The following GLIS2 variants were observed in gnomAD, a reference collection of about 807,000 sequenced individuals.
GLIS2 encodes the protein zinc finger protein GLIS2.
In GLIS2, 14 loss-of-function variants were observed where a neutral mutation model predicts 35.6. The observed-to-expected ratio is 0.39, with a 90% CI of 0.26 to 0.61. The LOEUF (loss-of-function observed/expected upper bound fraction) is 0.61, where lower values mean the gene tolerates loss of function less well. Among genes scored for constraint, GLIS2 ranks in the 20% least tolerant of loss-of-function variants. The probability of loss-of-function intolerance (pLI) is 0.48; values close to 1 mark genes in which losing one functional copy is unlikely to be tolerated. For missense variants in GLIS2, 675 were observed against 713.4 expected (o/e 0.95, Z 0.61); for synonymous variants, 368 against 325.1 (o/e 1.13, Z -1.42).
At chr16:4,324,780 A>T (rs1225691818) in intron 1 of GLIS2, 2 of 152,298 alleles carry the variant, frequency 1.3e-5, no homozygotes, top group African/African-American at 2.4e-5. Flanking sequence ...TTCTCCCTGA[A>T]ACCCAACATG....
rs772127631 is a variant in GLIS2 at position 4,319,150 on chromosome 16, C to T, written c.-67+2896C>T. 1.3e-4 allele frequency among the ~76,000 whole-genome samples: 20 copies of T among 152,168 alleles called. 1 individual carries two copies. The highest frequency in any genetic ancestry group is 6.8e-3 in the Middle Eastern group (2 of 294). ...GGCCCTGTGCTGGGTGGAATTGGGGCGGGGGTGGCTGCAGAGAAAAGTGTC... is the reference window on the plus strand; with the variant it reads ...GGCCCTGTGCTGGGTGGAATTGGGGTGGGGGTGGCTGCAGAGAAAAGTGTC... On this transcript the variant is annotated intron_variant, in intron 1 of 6. Transcript: ENST00000433375.
At chr16:4,315,857 C>A (rs943573705), upstream of GLIS2, among the ~76,000 whole-genome samples, 54 of 150,032 alleles carry the variant, frequency 3.6e-4, no homozygotes, top group African/African-American at 1.2e-3. Flanking sequence ...GCAGCTGGCG[C>A]CCCGGGCCTG....
chr16:4,337,345 G>C lies in GLIS2; in HGVS notation c.1396G>C (p.Glu466Gln). Residue 466 changes from glutamate (E) to glutamine (Q), a missense_variant, in exon 7 of 7, where the codon GAA becomes CAA. Transcript: ENST00000433375. ...LGMEGHKTPL[E>Q]RTESSCSRPS... ...CATGGAGGGCCACAAGACGCCCCTT[G>C]AAAGGACGGAGAGCAGCTGCTCCCG... 6.3e-7 allele frequency: 1 copy of C among 1,589,866 alleles called. No individual in the cohort carries two copies. The highest frequency in any genetic ancestry group is 8.5e-7 in the Non-Finnish European group (1 of 1,169,900).
At chr16:4,321,189 TG>T (rs915160850) in intron 1 of GLIS2, among the ~76,000 whole-genome samples, 5 of 151,946 alleles carry the variant, frequency 3.3e-5, no homozygotes, top group Admixed American at 1.3e-4. Context: ...GAGATGGAGC[TG>T]GGGGGGATCT....
intron 1 of GLIS2, among the ~76,000 whole-genome samples, chr16:4,325,752 AC>A (rs35018018): frequency 0.27 from 41,121 of 150,030 alleles, 9,438 homozygotes; most frequent in African/African-American, 0.63. Flanking sequence ...ACACAGGGAG[AC>A]CCCCCCATCT....
rs2053343057 is a variant in GLIS2 at position 4,318,736 on chromosome 16, G to T, written c.-67+2482G>T. Among the ~76,000 whole-genome samples the T allele has an allele frequency of 2.0e-5, 3 of 152,348 alleles. No individual in the cohort carries two copies. In the East Asian group the frequency reaches 5.8e-4, roughly 29 times the overall value. ...GGCCTGGCCTTGGCCCCGGGCGGTG[G>T]GAGTGTCCTCTCACCACCTAATCCT... is the stretch of plus-strand genomic sequence containing the variant. On this transcript the variant is annotated intron_variant, in intron 1 of 6. Transcript: ENST00000433375.
chr16:4,322,389 T>C (rs530778676), intron 1 of GLIS2, among the ~76,000 whole-genome samples: 1 of 152,192 alleles, frequency 6.6e-6, no homozygotes, highest in South Asian at 2.1e-4. Flanking sequence ...CACTGGGCTT[T>C]GGGGTCTGCT....
chr16:4,315,606 C>T (rs1397381938), upstream of GLIS2, among the ~76,000 whole-genome samples: 3 of 151,462 alleles, frequency 2.0e-5, no homozygotes, highest in East Asian at 5.9e-4. Context: ...GGCTCCCCCG[C>T]CCCCCCAGGC....
intron 1 of GLIS2, among the ~76,000 whole-genome samples, chr16:4,329,648 G>A (rs2053476738): frequency 6.6e-6 from 1 of 152,164 alleles, no homozygotes. Flanking sequence ...CTGCCCTGTG[G>A]ACAGCATCTC....
chr16:4,337,184 C>G lies in GLIS2; in HGVS notation c.1235C>G (p.Ala412Gly). 1.3e-6 allele frequency: 2 copies of G among 1,544,508 alleles called. No individual in the cohort carries two copies. Among genetic ancestry groups the G allele is most frequent in the Non-Finnish European group, 1.7e-6 (2 of 1,146,942 alleles). ...GGCCCCGTCCTGCCTCTCAATCTGG[C>G]CAAGAACCCGCTGCTGCCCTCGCCC... is the stretch of plus-strand genomic sequence containing the variant. ...LPGPVLPLNLAKNPLLPSPFG... is the reference protein window; with the variant it reads ...LPGPVLPLNLGKNPLLPSPFG... The change falls in exon 7 of 7, where the codon GCC becomes GGC. Residue 412 changes from alanine to glycine, a missense_variant. Coordinates refer to ENST00000433375, the MANE Select transcript of GLIS2 (RefSeq NM_032575.3).
In GLIS2 at chr16:4,338,842, C is replaced by A. The variant is rs1298402348; in HGVS notation, c.*1318C>A. Reference sequence around the variant, plus strand: ...CCCAGGACGCCCTGAGGGATGGACGCAGCCATGCACCCCCCATCTGGGGCC... The same window carrying A: ...CCCAGGACGCCCTGAGGGATGGACGAAGCCATGCACCCCCCATCTGGGGCC... On this transcript the variant is annotated 3_prime_UTR_variant, in exon 7 of 7. Coordinates refer to ENST00000433375, the MANE Select transcript of GLIS2 (RefSeq NM_032575.3). 6.6e-6 allele frequency: 1 copy of A among 152,356 alleles called. No homozygotes were observed. The highest frequency in any genetic ancestry group is 1.5e-5 in the Non-Finnish European group (1 of 68,098). The allele number at this position is 152,356 out of a possible 1,614,324, so 9.4% of individuals were successfully genotyped here.
chr16:4,325,528 C>G (rs804179), intron 1 of GLIS2, among the ~76,000 whole-genome samples: 136,570 of 152,128 alleles, frequency 0.9, 61,491 homozygotes, highest in African/African-American at 0.93. Flanking sequence ...TAAGACCATA[C>G]TGCTGAAGTG....
rs546386797 is a variant in GLIS2 at position 4,325,862 on chromosome 16, C to T, written c.-66-6353C>T. Among the ~76,000 whole-genome samples the T allele has an allele frequency of 7.8e-4, 108 of 139,212 alleles. 1 individual carries two copies. Among genetic ancestry groups the T allele is most frequent in the African/African-American group, 2.7e-3 (101 of 36,780 alleles). 91.3% of individuals were successfully genotyped at this position (139,212 alleles called of 152,430 possible). On this transcript the variant is annotated intron_variant, in intron 1 of 6. Transcript: ENST00000433375. Reference sequence around the variant, plus strand: ...TGAGGCAGGAGGATCTCTTGAGCCTCGGCGGCAGTTAGCCATGACCACGCC... The same window carrying T: ...TGAGGCAGGAGGATCTCTTGAGCCTTGGCGGCAGTTAGCCATGACCACGCC...
intron 1 of GLIS2, among the ~76,000 whole-genome samples, 45 bp downstream of exon 1, chr16:4,316,299 C>CGGGGGGGG (rs1293109635): frequency 1.9e-5 from 1 of 52,974 alleles, no homozygotes; most frequent in African/African-American, 5.4e-5. Context: ...CGGGCCGGGG[C>CGGGGGGGG]GGGGGGGGGG....
chr16:4,321,293 G>A (rs74003284), intron 1 of GLIS2, among the ~76,000 whole-genome samples: 372 of 152,318 alleles, frequency 2.4e-3, no homozygotes, highest in African/African-American at 8.4e-3. Flanking sequence ...GCCTGGGACA[G>A]GGAGAAAGAG....
chr16:4,337,257 C>A lies in GLIS2; in HGVS notation c.1308C>A (p.Gly436=), dbSNP rs765597461. The A allele has an allele frequency of 2.6e-6, 4 of 1,548,632 alleles. No individual in the cohort carries two copies. The highest frequency in any genetic ancestry group is 3.5e-6 in the Non-Finnish European group (4 of 1,147,500). ...TGCCTGTGGTCTCCCTCCTTGCTGG[C>A]GCAGCTGGTGGCAAGGCCGAGGGGG... ...LGLPVVSLLA[G]AAGGKAEGEK... Residue 436 remains glycine (G), a synonymous_variant, in exon 7 of 7, where the codon GGC becomes GGA. Transcript: ENST00000433375.
chr16:4,317,547 A>C (rs1267354486), intron 1 of GLIS2, among the ~76,000 whole-genome samples: 1 of 152,040 alleles, frequency 6.6e-6, no homozygotes, highest in African/African-American at 2.4e-5. Context: ...CCACAGTGCC[A>C]CAGCTGTCCA....
At chr16:4,317,676 C>T (rs1256401628) in intron 1 of GLIS2, among the ~76,000 whole-genome samples, 1 of 151,986 alleles carries the variant, frequency 6.6e-6, no homozygotes, top group East Asian at 1.9e-4. Flanking sequence ...AGGGGCTGCA[C>T]CTGGGAGGCC....
In GLIS2 at chr16:4,337,613, T is replaced by C; in HGVS notation, c.*89T>C. On this transcript the variant is annotated 3_prime_UTR_variant, in exon 7 of 7. Transcript: ENST00000433375. ...AAACTCTTCTGTGAAATAGCAATAA[T>C]GTCCTACTGCCCGGGCAGCCCCAGC... 2.0e-6 allele frequency: 3 copies of C among 1,511,428 alleles called. No individual in the cohort carries two copies. Among genetic ancestry groups the C allele is most frequent in the Non-Finnish European group, 1.8e-6 (2 of 1,126,324 alleles). 93.6% of individuals were successfully genotyped at this position (1,511,428 alleles called of 1,614,324 possible).
Sources: gnomAD v4.1 joint callset for allele counts (sites outside exome capture counted in the v4.1 genomes callset) on GRCh38, gnomAD v4.1.1 for gene constraint, MANE v1.5 for transcripts, NCBI Gene and HGNC (gene_info 2026-07-23, HGNC 2026-07-21) for gene names.